NRXN3: variants seen among roughly 807,000 people sequenced by gnomAD.
NRXN3 encodes neurexin III.
Under a neutral mutation model 137.6 loss-of-function variants are expected in NRXN3, and 32 were observed. The observed-to-expected ratio is 0.23, with a 90% confidence interval of 0.18 to 0.31. NRXN3 has a LOEUF of 0.31. Ranked by LOEUF, NRXN3 falls within the 10% of genes least tolerant of loss-of-function variation. The pLI is 1.00. For missense variants in NRXN3, 1,574 were observed against 2,062.5 expected, an observed-to-expected ratio of 0.76 and a Z score of 4.59; for synonymous variants, 798 against 784.5, an observed-to-expected ratio of 1.02 and a Z score of -0.29.
chr14:79,483,093 T>A (rs1039086536), intron 16 of NRXN3, among the ~76,000 whole-genome samples: 9 of 152,286 alleles, frequency 5.9e-5, no homozygotes, highest in African/African-American at 1.7e-4. Flanking sequence ...ACTATAGAAG[T>A]CTTTTTATTT....
At chr14:78,388,404 G>C (rs1340967232) in intron 4 of NRXN3, among the ~76,000 whole-genome samples, 1 of 151,968 alleles carries the variant, frequency 6.6e-6, no homozygotes, top group African/African-American at 2.4e-5. Flanking sequence ...GAAATTTTGA[G>C]GGAAAGAAGA....
intron 14 of NRXN3, among the ~76,000 whole-genome samples, chr14:78,983,920 TG>T (rs1234977704): frequency 1.4e-5 from 2 of 147,848 alleles, no homozygotes; most frequent in Non-Finnish European, 3.0e-5. Flanking sequence ...TGCAACAACA[TG>T]GATGAACCCG....
At position 79,794,654 on chromosome 14, in the gene NRXN3, G is replaced by A. The variant is rs575228650; in HGVS notation, c.4015-10458G>A. On this transcript the variant is annotated intron_variant, in intron 19 of 20. Coordinates refer to ENST00000335750, the MANE Select transcript of NRXN3 (RefSeq NM_001330195.2). ...ATACAGAGGACACGATATAGAATCCGGAGAGAGGAAAAGCAAAGGAGGCCA... is the reference window on the plus strand; with the variant it reads ...ATACAGAGGACACGATATAGAATCCAGAGAGAGGAAAAGCAAAGGAGGCCA... Among the ~76,000 whole-genome samples the A allele has an allele frequency of 1.1e-3, 174 of 152,272 alleles. 2 individuals are homozygous for A. The highest frequency in any genetic ancestry group is 1.7e-3 in the African/African-American group (72 of 41,548).
intron 8 of NRXN3, among the ~76,000 whole-genome samples, chr14:78,737,474 G>C (rs2098546163): frequency 6.6e-6 from 1 of 152,114 alleles, no homozygotes. Flanking sequence ...GATCTTTGCA[G>C]AGCAAAGTGA....
chr14:79,455,565 A>G (rs963364145), intron 15 of NRXN3, among the ~76,000 whole-genome samples: 2 of 152,172 alleles, frequency 1.3e-5, no homozygotes, highest in Non-Finnish European at 2.9e-5. Flanking sequence ...TATGGTCATT[A>G]GCCTATTGAG....
chr14:79,592,394 T>C (rs2153822430), intron 16 of NRXN3, among the ~76,000 whole-genome samples: 1 of 152,338 alleles, frequency 6.6e-6, no homozygotes, highest in South Asian at 2.1e-4. Flanking sequence ...TAATAAAATA[T>C]TTCCAGTCTT....
At chr14:79,482,679 G>T (rs1032321947) in intron 16 of NRXN3, among the ~76,000 whole-genome samples, 11 of 151,708 alleles carry the variant, frequency 7.3e-5, no homozygotes, top group East Asian at 1.9e-4. Flanking sequence ...CCACTAACCT[G>T]GGGGGGAGAA....
chr14:78,443,403 G>A (rs2094320110), intron 4 of NRXN3, among the ~76,000 whole-genome samples: 1 of 152,182 alleles, frequency 6.6e-6, no homozygotes, highest in Admixed American at 6.5e-5. Flanking sequence ...ATCCCCCTCT[G>A]GTGCTCACTG....
chr14:79,033,467 C>T (rs563290821), intron 15 of NRXN3, among the ~76,000 whole-genome samples: 1 of 152,052 alleles, frequency 6.6e-6, no homozygotes, highest in Non-Finnish European at 1.5e-5. Flanking sequence ...TATGAGTAGG[C>T]AGGTGTCTTC....
intron 7 of NRXN3, among the ~76,000 whole-genome samples, chr14:78,714,013 G>A (rs1324655232): frequency 6.6e-6 from 1 of 152,176 alleles, no homozygotes; most frequent in African/African-American, 2.4e-5. Flanking sequence ...TGCCTATCAA[G>A]TTCATCTCAG....
chr14:79,825,257 A>T (rs2099292427), intron 20 of NRXN3, among the ~76,000 whole-genome samples: 5 of 103,246 alleles, frequency 4.8e-5, no homozygotes, highest in Admixed American at 1.1e-4. Flanking sequence ...TTATATGTGG[A>T]TTTTCTGAGT....
In NRXN3 at chr14:78,458,700, T is replaced by C. The variant is rs550582863; in HGVS notation, c.757+160840T>C. ...ATAACATTCTCAATTTAGTCTTTAA[T>C]CCATGAGAACTGTAGCTATTAACTT... On this transcript the variant is annotated intron_variant, in intron 4 of 20. Coordinates refer to ENST00000335750, the MANE Select transcript of NRXN3 (RefSeq NM_001330195.2). Among the ~76,000 whole-genome samples the C allele has an allele frequency of 1.3e-4, 20 of 152,340 alleles. No homozygotes were observed. The South Asian group carries it at 4.1e-3, about 32-fold the overall frequency.
intron 1 of NRXN3, among the ~76,000 whole-genome samples, chr14:78,212,596 C>T (rs1258720031): frequency 3.3e-5 from 5 of 152,184 alleles, no homozygotes; most frequent in African/African-American, 1.2e-4. Flanking sequence ...TTGCCAGACT[C>T]ACAAGATGTC....
intron 19 of NRXN3, among the ~76,000 whole-genome samples, chr14:79,777,995 C>T (rs1392188717): frequency 2.0e-5 from 3 of 152,024 alleles, no homozygotes; most frequent in Non-Finnish European, 4.4e-5. Context: ...CTTTTCTATG[C>T]ACTGTAACTT....
At position 78,934,543 on chromosome 14, in the gene NRXN3, T is replaced by G. The variant is rs1180856520; in HGVS notation, c.2276-22699T>G. 2.0e-5 allele frequency among the ~76,000 whole-genome samples: 3 copies of G among 152,084 alleles called. No homozygotes were observed. The East Asian group carries it at 5.8e-4, about 29-fold the overall frequency. On this transcript the variant is annotated intron_variant, in intron 10 of 20. Transcript: ENST00000335750. Reference sequence around the variant, plus strand: ...TCACAAACCACGGCAGCTCCAACTCTCCTACCGATGCCTTTACTCCAGGTG... The same window carrying G: ...TCACAAACCACGGCAGCTCCAACTCGCCTACCGATGCCTTTACTCCAGGTG...
intron 4 of NRXN3, among the ~76,000 whole-genome samples, chr14:78,348,170 A>G (rs760006422): frequency 6.6e-6 from 1 of 152,162 alleles, no homozygotes; most frequent in Non-Finnish European, 1.5e-5. Context: ...ATACAGAACT[A>G]TTCATTACCA....
intron 10 of NRXN3, among the ~76,000 whole-genome samples, chr14:78,926,938 A>ATTT (rs2099304732): frequency 4.3e-5 from 2 of 46,972 alleles, no homozygotes; most frequent in Non-Finnish European, 6.6e-5. Flanking sequence ...ATATATTTAT[A>ATTT]TATATATATA....
chr14:79,318,082 C>A (rs1011896727), intron 15 of NRXN3, among the ~76,000 whole-genome samples: 1 of 152,128 alleles, frequency 6.6e-6, no homozygotes, highest in Non-Finnish European at 1.5e-5. Flanking sequence ...CTAAATTCAT[C>A]CACAATTTTA....
At chr14:78,222,318 G>GCA (rs1000938170) in intron 1 of NRXN3, among the ~76,000 whole-genome samples, 1 of 120,730 alleles carries the variant, frequency 8.3e-6, no homozygotes, top group Non-Finnish European at 2.0e-5. Flanking sequence ...GGAATAAAGG[G>GCA]CACACACACA....
Sources: gnomAD v4.1 joint callset for allele counts (sites outside exome capture counted in the v4.1 genomes callset) on GRCh38, gnomAD v4.1.1 for gene constraint, MANE v1.5 for transcripts, NCBI Gene and HGNC (gene_info 2026-07-23, HGNC 2026-07-21) for gene names.